Variants in ABCB1 observed in about 807,000 individuals in gnomAD.
ABCB1 encodes ATP-dependent translocase ABCB1.
A neutral mutation model predicts 142.0 loss-of-function variants in ABCB1; 69 were observed. The observed-to-expected ratio is 0.49, with a 90% CI of 0.40 to 0.59. The LOEUF is 0.59. Among genes scored for constraint, ABCB1 ranks in the 20% least tolerant of loss-of-function variants. The pLI is 0.00. For missense variants in ABCB1, 1,326 were observed against 1,554.7 expected (o/e 0.85, Z 2.47); for synonymous variants, 532 against 539.2 (o/e 0.99, Z 0.18).
chr7:87,508,046 G>A (rs1460511976), intron 26 of ABCB1, among the ~76,000 whole-genome samples: 3 of 152,098 alleles, frequency 2.0e-5, no homozygotes, highest in Non-Finnish European at 4.4e-5. Flanking sequence ...TCAGTACCTA[G>A]GTGACAGGAT....
At chr7:87,673,215 A>G (rs562679635) in intron 1 of ABCB1, among the ~76,000 whole-genome samples, 3 of 152,216 alleles carry the variant, frequency 2.0e-5, no homozygotes, top group Non-Finnish European at 2.9e-5. Context: ...GTCATCTTGT[A>G]TAGTATTTTG....
chr7:87,658,725 A>G (rs545555179), intron 1 of ABCB1, among the ~76,000 whole-genome samples: 3 of 152,330 alleles, frequency 2.0e-5, no homozygotes, highest in East Asian at 3.9e-4. Context: ...GGTAAAACAT[A>G]TTTCAAGTGC....
At chr7:87,528,518 T>G (rs1489714320) in intron 21 of ABCB1, among the ~76,000 whole-genome samples, 4 of 152,154 alleles carry the variant, frequency 2.6e-5, no homozygotes, top group African/African-American at 7.2e-5. Context: ...AACCTACATA[T>G]AAGTGGACCC....
At chr7:87,524,538 A>G (rs1815693599) in intron 21 of ABCB1, among the ~76,000 whole-genome samples, 1 of 138,202 alleles carries the variant, frequency 7.2e-6, no homozygotes, top group African/African-American at 2.5e-5. Context: ...GAACAATGAG[A>G]ACACATGGAC....
At chr7:87,638,365 G>GTA (rs1822045213) in intron 1 of ABCB1, among the ~76,000 whole-genome samples, 1 of 151,568 alleles carries the variant, frequency 6.6e-6, no homozygotes, top group South Asian at 2.1e-4. Flanking sequence ...GTGTGTGTGT[G>GTA]TGTGTGTGTG....
chr7:87,506,137 C>T (rs1342623287), intron 26 of ABCB1, 94 bp from the exon 27 acceptor site: 1 of 1,326,906 alleles, frequency 7.5e-7, no homozygotes, highest in Non-Finnish European at 1.1e-6. Flanking sequence ...TCTATATACT[C>T]CAAAAATTTA....
chr7:87,528,767 A>C (rs536441914), intron 21 of ABCB1, among the ~76,000 whole-genome samples: 52 of 152,360 alleles, frequency 3.4e-4, no homozygotes, highest in African/African-American at 1.2e-3. Context: ...AGAAACATCA[A>C]GGGCTGCGAA....
At chr7:87,505,066 C>T (rs1167043860) in intron 27 of ABCB1, among the ~76,000 whole-genome samples, 1 of 151,918 alleles carries the variant, frequency 6.6e-6, no homozygotes, top group African/African-American at 2.4e-5. Flanking sequence ...TGGGCTCAAG[C>T]GATTCTTCCA....
At chr7:87,506,622 A>G (rs532645827) in intron 26 of ABCB1, among the ~76,000 whole-genome samples, 42 of 152,262 alleles carry the variant, frequency 2.8e-4, no homozygotes, top group African/African-American at 9.9e-4. Flanking sequence ...TTGTTGTTAG[A>G]GTGCTCCCAA....
intron 1 of ABCB1, among the ~76,000 whole-genome samples, chr7:87,607,445 A>T (rs1210496783): frequency 6.6e-6 from 1 of 152,202 alleles, no homozygotes; most frequent in South Asian, 2.1e-4. Context: ...GAGCTAGAGA[A>T]ATGTCCATTA....
At chr7:87,614,150 C>G (rs922997524) in intron 1 of ABCB1, among the ~76,000 whole-genome samples, 2 of 151,884 alleles carry the variant, frequency 1.3e-5, no homozygotes, top group African/African-American at 4.8e-5. Flanking sequence ...AATCCCAGTG[C>G]TTTGAGAGGC....
chr7:87,685,687 G>C (rs573971491), intron 1 of ABCB1, among the ~76,000 whole-genome samples: 19 of 152,190 alleles, frequency 1.2e-4, no homozygotes, highest in African/African-American at 4.3e-4. Context: ...GCAGGGTGGG[G>C]GTTGACAAGC....
intron 1 of ABCB1, among the ~76,000 whole-genome samples, chr7:87,648,164 G>T (rs1823213655): frequency 1.4e-5 from 2 of 141,004 alleles, no homozygotes; most frequent in South Asian, 4.4e-4. Context: ...CAGCCTGGGT[G>T]ACAGAGCGAG....
Position 87,679,668 on chromosome 7 carries a change from G to A in ABCB1, c.-331+33493C>T, listed in dbSNP as rs116265932. ...GCCTTTCAAAGTGCTGAGATTACAA[G>A]TGTGAACCACTGTGCCTGGCCACCC... is the stretch of plus-strand genomic sequence containing the variant. On this transcript the variant is annotated intron_variant, in intron 1 of 28. Transcript: ENST00000265724. Among the ~76,000 whole-genome samples the A allele has an allele frequency of 3.1e-3, 472 of 150,426 alleles. 37 individuals carry two copies. Among genetic ancestry groups the A allele is most frequent in the African/African-American group, 0.011 (448 of 40,526 alleles).
At chr7:87,609,580 G>T (rs1043778946) in intron 1 of ABCB1, among the ~76,000 whole-genome samples, 6 of 152,126 alleles carry the variant, frequency 3.9e-5, no homozygotes, top group Admixed American at 3.9e-4. Flanking sequence ...ATTTTAGATT[G>T]GCTAGCATGG....
chr7:87,533,712 T>C (rs1816160786), intron 20 of ABCB1, among the ~76,000 whole-genome samples: 1 of 152,020 alleles, frequency 6.6e-6, no homozygotes, highest in Admixed American at 6.6e-5. Flanking sequence ...AAGACTAGGG[T>C]TGAGGGGAGG....
intron 3 of ABCB1, among the ~76,000 whole-genome samples, chr7:87,589,232 T>G (rs1005754763): frequency 6.6e-6 from 1 of 152,168 alleles, no homozygotes; most frequent in African/African-American, 2.4e-5. Flanking sequence ...TTTCTGAATT[T>G]ACAAAATGAG....
At position 87,539,248 on chromosome 7, in the gene ABCB1, A is replaced by G. The variant is rs113615245; in HGVS notation, c.2397+20T>C. On this transcript the variant is annotated intron_variant, in intron 19 of 27. Transcript: ENST00000622132. ...TGGGGAGTTCTACACATCCCAGGGC[A>G]CAGCCCTCGATAGACATACCTGTCT... The G allele has an allele frequency of 6.2e-7, 1 of 1,611,284 alleles. No homozygotes were observed. The highest frequency in any genetic ancestry group is 2.2e-5 in the East Asian group (1 of 44,844).
At chr7:87,701,959 T>C (rs148445756) in intron 1 of ABCB1, among the ~76,000 whole-genome samples, 14,233 of 151,516 alleles carry the variant, frequency 0.094, 794 homozygotes, top group African/African-American at 0.16. Flanking sequence ...CTGGCTAACA[T>C]GGTGAAACCC....
Sources: allele counts gnomAD v4.1 joint callset (sites outside exome capture counted in the v4.1 genomes callset), GRCh38; gene constraint gnomAD v4.1.1; transcripts MANE v1.5; gene names NCBI Gene and HGNC (gene_info 2026-07-23, HGNC 2026-07-21).